Variants in JAM3 observed in about 807,000 individuals in gnomAD.
JAM3 encodes junctional adhesion molecule C.
A neutral mutation model predicts 39.4 loss-of-function variants in JAM3; 31 were observed. The observed-to-expected ratio is 0.79, with a 90% CI of 0.59 to 1.06. JAM3 has a LOEUF of 1.06. Ranked by LOEUF, JAM3 falls within the 50% of genes least tolerant of loss-of-function variation. The pLI is 0.00. For missense variants in JAM3, 455 were observed against 391.4 expected (o/e 1.16, Z -1.37); for synonymous variants, 182 against 148.7 (o/e 1.22, Z -1.63).
intron 1 of JAM3, among the ~76,000 whole-genome samples, chr11:134,137,984 G>A (rs562022816): frequency 2.1e-5 from 2 of 94,684 alleles, no homozygotes. Context: ...CTCATACTGA[G>A]AGAAATGTTT....
At chr11:134,137,533 ATGGTCTT>A (rs1368492468) in intron 1 of JAM3, among the ~76,000 whole-genome samples, 1 of 152,214 alleles carries the variant, frequency 6.6e-6, no homozygotes, top group Non-Finnish European at 1.5e-5. Flanking sequence ...CAGGTCCTTG[ATGGTCTT>A]TGGGCCAGAG....
chr11:134,137,488 C>A (rs2120842508), intron 1 of JAM3, among the ~76,000 whole-genome samples: 1 of 152,360 alleles, frequency 6.6e-6, no homozygotes, highest in South Asian at 2.1e-4. Context: ...GTCCAGTCAT[C>A]ATCCAGGTGA....
At chr11:134,127,278 G>T (rs1942667622) in intron 1 of JAM3, among the ~76,000 whole-genome samples, 1 of 152,210 alleles carries the variant, frequency 6.6e-6, no homozygotes, top group Non-Finnish European at 1.5e-5. Context: ...TGACTGTCTT[G>T]AAGAGTGACC....
intron 7 of JAM3, 30 bp from the exon 8 acceptor site, chr11:134,148,734 T>C: frequency 1.2e-6 from 2 of 1,614,068 alleles, no homozygotes; most frequent in Non-Finnish European, 1.7e-6. Context: ...ATAACAACCC[T>C]GTTGCTAAAC....
chr11:134,124,344 T>C, intron 1 of JAM3: 1 of 743,698 alleles, frequency 1.3e-6, no homozygotes, highest in Non-Finnish European at 2.5e-6. Context: ...AAATGAAAAA[T>C]GTGAGTGTGC....
intron 1 of JAM3, among the ~76,000 whole-genome samples, chr11:134,099,727 C>T (rs1354272475): frequency 2.0e-5 from 3 of 152,204 alleles, no homozygotes; most frequent in Non-Finnish European, 2.9e-5. Context: ...CTGCCTCAGC[C>T]TCCTGAGTAG....
Position 134,149,368 on chromosome 11 carries a change from C to G in JAM3, c.*187C>G. The G allele has an allele frequency of 1.5e-6, 1 of 680,300 alleles. No individual in the cohort carries two copies. Among genetic ancestry groups the G allele is most frequent in the Admixed American group, 2.3e-5 (1 of 43,774 alleles). The allele number at this position is 680,300 out of a possible 1,614,324, so 42.1% of individuals were successfully genotyped here. A position where few individuals can be genotyped will look rare whatever the true frequency, so the allele number is the denominator to read the frequency against. ...AAGCCACATGAATAGAAGAATTTTC[C>G]TCAAGATGGACCCGGTAAATATAAC... is the stretch of plus-strand genomic sequence containing the variant. On this transcript the variant is annotated 3_prime_UTR_variant, in exon 9 of 9. Coordinates refer to ENST00000299106, the MANE Select transcript of JAM3 (RefSeq NM_032801.5).
intron 1 of JAM3, among the ~76,000 whole-genome samples, chr11:134,116,554 G>C (rs994970995): frequency 4.6e-5 from 7 of 152,110 alleles, no homozygotes; most frequent in African/African-American, 1.7e-4. Context: ...TTTTGTCGTT[G>C]TTTGTTTTTT....
intron 1 of JAM3, among the ~76,000 whole-genome samples, chr11:134,076,760 C>T (rs1382302666): frequency 6.6e-6 from 1 of 151,450 alleles, no homozygotes; most frequent in Admixed American, 6.6e-5. Flanking sequence ...CCACACTGAA[C>T]TCCTGGTCTC....
chr11:134,085,779 A>G (rs1941738080), intron 1 of JAM3, among the ~76,000 whole-genome samples: 2 of 152,226 alleles, frequency 1.3e-5, no homozygotes, highest in Admixed American at 6.5e-5. Flanking sequence ...GGAACATCAT[A>G]TACATACAAA....
chr11:134,072,686 C>T (rs997928024), intron 1 of JAM3, among the ~76,000 whole-genome samples: 32 of 151,126 alleles, frequency 2.1e-4, no homozygotes, highest in Admixed American at 3.9e-4. Flanking sequence ...CCGAGGTGGG[C>T]GGATCACAAG....
intron 1 of JAM3, among the ~76,000 whole-genome samples, chr11:134,132,851 A>T (rs1942793359): frequency 6.6e-6 from 1 of 152,172 alleles, no homozygotes; most frequent in Non-Finnish European, 1.5e-5. Flanking sequence ...GTTGGCACTG[A>T]GCCTCCAATG....
At chr11:134,147,766 G>A (rs595584) in intron 6 of JAM3, 24,565 of 152,270 alleles carry the variant, frequency 0.16, 2,682 homozygotes, top group African/African-American at 0.3. Context: ...GATTACAGGC[G>A]TGAGCCACCG....
At chr11:134,075,759 T>A (rs759358441) in intron 1 of JAM3, among the ~76,000 whole-genome samples, 3 of 152,188 alleles carry the variant, frequency 2.0e-5, no homozygotes, top group African/African-American at 7.2e-5. Context: ...ACTTGTTATA[T>A]GTTGTGGTTT....
At chr11:134,071,486 T>C (rs1406937000) in intron 1 of JAM3, among the ~76,000 whole-genome samples, 1 of 152,226 alleles carries the variant, frequency 6.6e-6, no homozygotes, top group Non-Finnish European at 1.5e-5. Context: ...TTTTGTTGAC[T>C]CATGACAGGT....
chr11:134,126,707 G>C (rs1942654815), intron 1 of JAM3, among the ~76,000 whole-genome samples: 1 of 152,198 alleles, frequency 6.6e-6, no homozygotes, highest in African/African-American at 2.4e-5. Flanking sequence ...CAGTTTCCTG[G>C]TCAGGTCTTC....
chr11:134,112,335 G>A (rs11604360), intron 1 of JAM3, among the ~76,000 whole-genome samples: 1 of 151,858 alleles, frequency 6.6e-6, no homozygotes. Flanking sequence ...TGATCCACCT[G>A]TCTCAGCCTC....
intron 1 of JAM3, among the ~76,000 whole-genome samples, chr11:134,133,119 A>G (rs1283937876): frequency 2.0e-5 from 3 of 152,230 alleles, no homozygotes; most frequent in Non-Finnish European, 4.4e-5. Context: ...ACTGAGAACC[A>G]GAAGTTCTGC....
In JAM3 at chr11:134,091,519, T is replaced by TA. The variant is rs1452947855; in HGVS notation, c.76+22360_76+22361insA. Among the ~76,000 whole-genome samples the TA allele has an allele frequency of 1.8e-4, 26 of 146,410 alleles. No individual in the cohort carries two copies. The East Asian group carries it at 5.3e-3, about 30-fold the overall frequency. On this transcript the variant is annotated intron_variant, in intron 1 of 8. Coordinates refer to ENST00000299106, the MANE Select transcript of JAM3 (RefSeq NM_032801.5). ...ATCTCTAAATAAATAGATAGATAGATGGATAGATAGATAGATAGATAGGCA... is the reference window on the plus strand; with the variant it reads ...ATCTCTAAATAAATAGATAGATAGATAGGATAGATAGATAGATAGATAGGCA...
Sources: allele counts gnomAD v4.1 joint callset (sites outside exome capture counted in the v4.1 genomes callset), GRCh38; gene constraint gnomAD v4.1.1; transcripts MANE v1.5; gene names NCBI Gene and HGNC (gene_info 2026-07-23, HGNC 2026-07-21).